The following S100A1 variants were observed in gnomAD, a reference collection of about 807,000 sequenced individuals.
S100A1 encodes protein S100-A1.
Under a neutral mutation model 7.6 loss-of-function variants are expected in S100A1, and 3 were observed. That is an observed-to-expected ratio of 0.40 (90% CI 0.18 to 1.02). The LOEUF (loss-of-function observed/expected upper bound fraction) is 1.02, where lower values mean the gene tolerates loss of function less well. Among genes scored for constraint, S100A1 ranks in the 50% least tolerant of loss-of-function variants. The probability of loss-of-function intolerance (pLI) is 0.35; values close to 1 mark genes in which losing one functional copy is unlikely to be tolerated. For missense variants in S100A1, 126 were observed against 115.0 expected (o/e 1.10, Z -0.44); for synonymous variants, 49 against 49.0 (o/e 1.00, Z 0.00).
chr1:153,630,461 G>C, intron 1 of S100A1, 48 bp from the exon 2 acceptor site: 1 of 1,598,336 alleles, frequency 6.3e-7, no homozygotes. Flanking sequence ...TAGACCCCAG[G>C]TACTCCGGGC....
intron 1 of S100A1, chr1:153,630,134 C>T (rs1465822007): frequency 1.5e-5 from 5 of 338,752 alleles, no homozygotes; most frequent in Non-Finnish European, 2.7e-5. Flanking sequence ...AAAATAGAGC[C>T]AGAGGAAGCA....
At chr1:153,631,108 G>A (rs1481145984) in intron 2 of S100A1, 1 of 301,316 alleles carries the variant, frequency 3.3e-6, no homozygotes, top group Non-Finnish European at 6.2e-6. Flanking sequence ...TTAGGAGGAG[G>A]TAACTGAATG....
Position 153,631,706 on chromosome 1 carries a change from G to T in S100A1, c.150G>T (p.Lys50Asn). 1 of 1,614,170 alleles carries T rather than the reference G, an allele frequency of 6.2e-7. No homozygotes were observed. Among genetic ancestry groups the T allele is most frequent in the African/African-American group, 1.3e-5 (1 of 75,026 alleles). Reference sequence around the variant, plus strand: ...CTCTCCTCCCACCACAGGCCCAGAAGGATGTGGATGCTGTGGACAAGGTGA... The same window carrying T: ...CTCTCCTCCCACCACAGGCCCAGAATGATGTGGATGCTGTGGACAAGGTGA... ...TELSGFLDAQ[K>N]DVDAVDKVMK... The change falls in exon 3 of 3, where the codon AAG (lysine) becomes AAT (asparagine). Residue 50 changes from lysine to asparagine, a missense_variant. By Grantham distance (94) the Lys-to-Asn change is moderately conservative. Coordinates refer to ENST00000292169, the MANE Select transcript of S100A1 (RefSeq NM_006271.2).
At chr1:153,629,284 T>G (rs1257689799) in intron 1 of S100A1, 2 of 152,002 alleles carry the variant, frequency 1.3e-5, no homozygotes, top group African/African-American at 4.8e-5. Flanking sequence ...GCACCCCTTA[T>G]CCCCTCATCA....
chr1:153,630,549 G>A lies in S100A1; in HGVS notation c.28G>A (p.Glu10Lys). The change falls in exon 2 of 3, where the codon GAG (glutamate) becomes AAG (lysine). Residue 10 changes from glutamate (E) to lysine (K), a missense_variant. Transcript: ENST00000292169. ...GGGCTCTGAGCTGGAGACGGCGATG[G>A]AGACCCTCATCAACGTGTTCCACGC... MGSELETAMETLINVFHAHS... is the reference protein window; with the variant it reads MGSELETAMKTLINVFHAHS... 1.9e-6 allele frequency: 3 copies of A among 1,614,248 alleles called. No homozygotes were observed. Among genetic ancestry groups the A allele is most frequent in the Non-Finnish European group, 2.5e-6 (3 of 1,180,042 alleles).
rs998668210 is a variant in S100A1 at position 153,630,543 on chromosome 1, G to A, written c.22G>A (p.Ala8Thr). 6.2e-7 allele frequency: 1 copy of A among 1,614,250 alleles called. No homozygotes were observed. The highest frequency in any genetic ancestry group is 8.5e-7 in the Non-Finnish European group (1 of 1,180,034). Residue 8 changes from alanine to threonine, a missense_variant, in exon 2 of 3, where the codon GCG (alanine) becomes ACG (threonine). By Grantham distance (58) the Ala-to-Thr change is moderately conservative. Transcript: ENST00000292169. MGSELETAMETLINVFHA... is the reference protein window; with the variant it reads MGSELETTMETLINVFHA... The stretch of plus-strand genomic sequence containing the variant: ...TGCAATGGGCTCTGAGCTGGAGACG[G>A]CGATGGAGACCCTCATCAACGTGTT...
In S100A1 at chr1:153,631,757, C is replaced by T. The variant is rs201000917; in HGVS notation, c.201C>T (p.Asp67=). ...KVMKELDENG[D]GEVDFQEYVV... ...TGAAGGAGCTAGACGAGAATGGAGA[C>T]GGGGAGGTGGACTTCCAGGAGTATG... The change falls in exon 3 of 3, where the codon GAC becomes GAT. Residue 67 remains aspartate (D), a synonymous_variant. Transcript: ENST00000292169. The T allele has an allele frequency of 5.2e-5, 84 of 1,614,170 alleles. No individual in the cohort carries two copies. Among genetic ancestry groups the T allele is most frequent in the African/African-American group, 9.3e-5 (7 of 75,026 alleles).
chr1:153,628,830 G>A (rs2101624223), intron 1 of S100A1: 1 of 350,888 alleles, frequency 2.8e-6, no homozygotes, highest in African/African-American at 2.0e-5. Flanking sequence ...CAGGTGTTGG[G>A]AAGGGTCCCA....
intron 1 of S100A1, chr1:153,629,997 C>A: frequency 6.3e-6 from 1 of 158,864 alleles, no homozygotes; most frequent in Non-Finnish European, 1.4e-5. Flanking sequence ...CTCTACCAGG[C>A]TGACCGAGGG....
chr1:153,631,395 A>T, intron 2 of S100A1: 4 of 1,375,074 alleles, frequency 2.9e-6, no homozygotes, highest in Non-Finnish European at 4.0e-6. Context: ...AACATACCTC[A>T]CATTATTTGT....
intron 1 of S100A1, chr1:153,629,542 G>A (rs1667888379): frequency 6.6e-6 from 1 of 152,386 alleles, no homozygotes; most frequent in African/African-American, 2.4e-5. Flanking sequence ...CGGCTTGGCA[G>A]TCTTCTCTCT....
chr1:153,631,900 C>T lies in S100A1; in HGVS notation c.*59C>T. On this transcript the variant is annotated 3_prime_UTR_variant, in exon 3 of 3. Transcript: ENST00000292169. ...CCACCCTCCCAGACCTGCCTCTTCC[C>T]CCTGCTTCCACCTCACCCCACTTAT... The T allele has an allele frequency of 6.3e-7, 1 of 1,583,348 alleles. No individual in the cohort carries two copies. The highest frequency in any genetic ancestry group is 1.2e-5 in the South Asian group (1 of 86,640).
At chr1:153,630,421 C>G in intron 1 of S100A1, 88 bp from the exon 2 acceptor site, 21 of 1,487,862 alleles carry the variant, frequency 1.4e-5, no homozygotes, top group Non-Finnish European at 1.8e-5. Context: ...GAGCTGTCAG[C>G]CAGGGCCAGT....
chr1:153,628,687 G>A (rs1667821379), intron 1 of S100A1, 191 bp downstream of exon 1: 1 of 975,454 alleles, frequency 1.0e-6, no homozygotes, highest in Non-Finnish European at 1.4e-6. Flanking sequence ...AGAGACAAAT[G>A]AACTGAAGGT....
Position 153,628,504 on chromosome 1 carries a change from C to A in S100A1, c.-14+8C>A, listed in dbSNP as rs1026588489. ...CTCAGGCCCAGGCCAACCGTGAGTA[C>A]CCTGCCCCACTGGGCTAGTCCCTGG... On this transcript the variant is annotated splice_region_variant and intron_variant, in intron 1 of 2. Coordinates refer to ENST00000292169, the MANE Select transcript of S100A1 (RefSeq NM_006271.2). The A allele has an allele frequency of 6.4e-6, 10 of 1,550,542 alleles. No homozygotes were observed. The highest frequency in any genetic ancestry group is 7.8e-6 in the Non-Finnish European group (9 of 1,146,936).
Position 153,628,496 on chromosome 1 carries a change from C to A in S100A1, c.-14C>A, listed in dbSNP as rs1407278137. The A allele has an allele frequency of 3.9e-6, 6 of 1,550,606 alleles. 1 individual carries two copies. In the South Asian group the frequency reaches 5.9e-5, roughly 15 times the overall value. ...GCTCCCACCTCAGGCCCAGGCCAACCGTGAGTACCCTGCCCCACTGGGCTA... is the reference window on the plus strand; with the variant it reads ...GCTCCCACCTCAGGCCCAGGCCAACAGTGAGTACCCTGCCCCACTGGGCTA... On this transcript the variant is annotated splice_region_variant and 5_prime_UTR_variant, in exon 1 of 3. Coordinates refer to ENST00000292169, the MANE Select transcript of S100A1 (RefSeq NM_006271.2).
In S100A1 at chr1:153,630,504, G is replaced by A. The variant is rs117364408; in HGVS notation, c.-13-5G>A. The A allele has an allele frequency of 5.6e-6, 9 of 1,613,564 alleles. No homozygotes were observed. In the East Asian group the frequency reaches 1.6e-4, roughly 28 times the overall value. On this transcript the variant is annotated splice_region_variant and splice_polypyrimidine_tract_variant and intron_variant, in intron 1 of 2. Transcript: ENST00000292169. ...TCAGCTCACTTCCATGATGGGGGTG[G>A]GTAGGTGCACTGCTGCAATGGGCTC...
chr1:153,628,745 C>G, intron 1 of S100A1: 1 of 599,162 alleles, frequency 1.7e-6, no homozygotes, highest in Non-Finnish European at 2.7e-6. Flanking sequence ...AGTGGGGAAC[C>G]CACCATGAGC....
chr1:153,630,582 G>C lies in S100A1; in HGVS notation c.61G>C (p.Gly21Arg). Residue 21 changes from glycine to arginine, a missense_variant, in exon 2 of 3, where the codon GGC (glycine) becomes CGC (arginine). Physicochemically the swap from Gly to Arg is moderately radical, Grantham distance 125 (BLOSUM62 -2). Transcript: ENST00000292169. ...CATCAACGTGTTCCACGCCCACTCG[G>C]GCAAAGAGGGGGACAAGTACAAGCT... ...TLINVFHAHSGKEGDKYKLSK... is the reference protein window; with the variant it reads ...TLINVFHAHSRKEGDKYKLSK... 6.2e-7 allele frequency: 1 copy of C among 1,614,268 alleles called. No individual in the cohort carries two copies. Among genetic ancestry groups the C allele is most frequent in the African/African-American group, 1.3e-5 (1 of 75,080 alleles).
Sources: allele counts gnomAD v4.1 joint callset, GRCh38; gene constraint gnomAD v4.1.1; transcripts MANE v1.5; gene names NCBI Gene and HGNC (gene_info 2026-07-23, HGNC 2026-07-21).